Variants in AP1G1 observed in about 807,000 individuals in gnomAD.
AP1G1 encodes the protein adaptor related protein complex 1 subunit gamma 1.
AP1G1 carries 7 observed loss-of-function variants against 108.3 expected under a neutral mutation model. The observed-to-expected ratio is 0.06, with a 90% CI of 0.04 to 0.12. The LOEUF (loss-of-function observed/expected upper bound fraction) is 0.12. Among genes scored for constraint, AP1G1 ranks in the 10% least tolerant of loss-of-function variants. The pLI, the probability that AP1G1 is intolerant of heterozygous loss-of-function variation, is 1.00. For missense variants in AP1G1, 756 were observed against 1,010.7 expected, an observed-to-expected ratio of 0.75 and a Z score of 3.42; for synonymous variants, 379 against 353.5, an observed-to-expected ratio of 1.07 and a Z score of -0.81.
intron 11 of AP1G1, among the ~76,000 whole-genome samples, chr16:71,757,526 A>T (rs7201228): frequency 0.5 from 76,669 of 151,894 alleles, 19,702 homozygotes; most frequent in Middle Eastern, 0.65. Context: ...CAATCCTTAG[A>T]TATAATAACT....
At chr16:71,797,309 T>G (rs1335100020) in intron 1 of AP1G1, among the ~76,000 whole-genome samples, 4 of 152,152 alleles carry the variant, frequency 2.6e-5, no homozygotes. Context: ...TTTTAACTTC[T>G]ATATATAGTC....
intron 10 of AP1G1, among the ~76,000 whole-genome samples, 186 bp from the exon 11 acceptor site, chr16:71,759,107 T>C (rs558201588): frequency 6.6e-6 from 1 of 152,366 alleles, no homozygotes; most frequent in South Asian, 2.1e-4. Flanking sequence ...TCTAAAATAG[T>C]GGCAACCAGG....
Position 71,739,077 on chromosome 16 carries a change from A to C in AP1G1, c.2133T>G (p.Ser711Arg), listed in dbSNP as rs371210759. ...AAGIPSITAY[S>R]KNGLKIEFTF... ...TGAATTCTATCTTCAAGCCATTCTTACTGTATGCTGTGATGGAGGGGATGC... is the reference window on the plus strand; with the variant it reads ...TGAATTCTATCTTCAAGCCATTCTTCCTGTATGCTGTGATGGAGGGGATGC... The change falls in exon 21 of 23, where the codon AGT becomes AGG. Residue 711 changes from serine to arginine, a missense_variant. Coordinates refer to ENST00000299980, the MANE Select transcript of AP1G1 (RefSeq NM_001128.6). The C allele has an allele frequency of 3.7e-6, 6 of 1,614,096 alleles. No homozygotes were observed. The African/African-American group carries it at 8.0e-5, about 22-fold the overall frequency.
At chr16:71,758,451 C>T (rs777174365) in intron 11 of AP1G1, 16 of 527,020 alleles carry the variant, frequency 3.0e-5, no homozygotes, top group South Asian at 7.0e-5. Context: ...GACACTTAGC[C>T]GATGGATCAC....
rs780246974 is a variant in AP1G1 at position 71,732,764 on chromosome 16, A to G, written c.*294T>C. ...CAGCTGCTTATTTCCTCAGGGGCCCAGGGAATGTTGATTCTGGCTGTAAAT... is the reference window on the plus strand; with the variant it reads ...CAGCTGCTTATTTCCTCAGGGGCCCGGGGAATGTTGATTCTGGCTGTAAAT... On this transcript the variant is annotated 3_prime_UTR_variant, in exon 23 of 23. Coordinates refer to ENST00000299980, the MANE Select transcript of AP1G1 (RefSeq NM_001128.6). The G allele has an allele frequency of 1.7e-5, 5 of 288,866 alleles. No homozygotes were observed. Among genetic ancestry groups the G allele is most frequent in the Non-Finnish European group, 2.6e-5 (4 of 154,084 alleles). 17.9% of individuals were successfully genotyped at this position (288,866 alleles called of 1,614,324 possible). A position where few individuals can be genotyped will look rare whatever the true frequency, so the allele number is the denominator to read the frequency against.
chr16:71,756,559 C>G (rs1420423322), intron 11 of AP1G1, among the ~76,000 whole-genome samples: 1 of 152,150 alleles, frequency 6.6e-6, no homozygotes, highest in Non-Finnish European at 1.5e-5. Flanking sequence ...CATGTTAAGT[C>G]ACCATATTCT....
intron 1 of AP1G1, among the ~76,000 whole-genome samples, chr16:71,790,924 A>C (rs763690753): frequency 6.6e-6 from 1 of 152,160 alleles, no homozygotes; most frequent in African/African-American, 2.4e-5. Flanking sequence ...CATCATTATG[A>C]AAATAGGACA....
Position 71,769,649 on chromosome 16 carries a change from G to C in AP1G1, c.616C>G (p.Pro206Ala), listed in dbSNP as rs575140567. The change falls in exon 6 of 23, where the codon CCA becomes GCA. Residue 206 changes from proline (P) to alanine (A), a missense_variant. Physicochemically the swap from Pro to Ala is conservative, Grantham distance 27. This residue lies in a region of AP1G1 where 304 missense variants were observed against 483.6 expected (regional missense o/e 0.63). Coordinates refer to ENST00000299980, the MANE Select transcript of AP1G1 (RefSeq NM_001128.6). Reference protein sequence around the residue: ...VLLTEMCERSPDMLAHFRKLV... With the variant: ...VLLTEMCERSADMLAHFRKLV... ...TTTCTGAAATGCGCAAGCATGTCTG[G>C]GCTTCGCTCACACATTTCTGTGAGG... 4.3e-6 allele frequency: 7 copies of C among 1,613,678 alleles called. No individual in the cohort carries two copies. The East Asian group carries it at 8.9e-5, about 21-fold the overall frequency.
At chr16:71,782,369 T>G (rs2032052767) in intron 2 of AP1G1, among the ~76,000 whole-genome samples, 1 of 151,728 alleles carries the variant, frequency 6.6e-6, no homozygotes, top group South Asian at 2.1e-4. Context: ...TCACTATGTT[T>G]GTCAGGCTGG....
intron 9 of AP1G1, among the ~76,000 whole-genome samples, chr16:71,762,768 G>A (rs925507056): frequency 1.2e-4 from 18 of 152,184 alleles, no homozygotes; most frequent in African/African-American, 4.3e-4. Context: ...GCAAGCATAA[G>A]TAAAGTGTTT....
intron 6 of AP1G1, among the ~76,000 whole-genome samples, chr16:71,768,443 G>C (rs1191342482): frequency 8.0e-6 from 1 of 124,922 alleles, no homozygotes; most frequent in Non-Finnish European, 1.6e-5. Context: ...GGAGGTTGCA[G>C]TGAGCCAAGA....
chr16:71,743,860 T>G (rs973775962), intron 19 of AP1G1, among the ~76,000 whole-genome samples: 1 of 145,692 alleles, frequency 6.9e-6, no homozygotes, highest in African/African-American at 2.6e-5. Context: ...GCAGGAGACC[T>G]GCTTGAACCC....
chr16:71,737,294 C>A (rs1383261194), intron 21 of AP1G1, among the ~76,000 whole-genome samples: 3 of 151,336 alleles, frequency 2.0e-5, no homozygotes, highest in Non-Finnish European at 3.0e-5. Context: ...TTTTTTTCTT[C>A]TTTTTTTTGG....
At chr16:71,773,391 A>G in intron 3 of AP1G1, 29 bp from the exon 4 acceptor site, 3 of 1,479,352 alleles carry the variant, frequency 2.0e-6, no homozygotes, top group Non-Finnish European at 2.7e-6. Flanking sequence ...AGGTAGGAAC[A>G]AGCCTGGTGC....
intron 1 of AP1G1, among the ~76,000 whole-genome samples, chr16:71,798,044 T>C (rs893335792): frequency 2.0e-5 from 3 of 152,122 alleles, no homozygotes; most frequent in Non-Finnish European, 4.4e-5. Flanking sequence ...GTAAGAAAGG[T>C]ATAGGAACTA....
chr16:71,769,152 G>A lies in AP1G1; in HGVS notation c.642+471C>T, dbSNP rs769252090. Among the ~76,000 whole-genome samples the A allele has an allele frequency of 2.3e-4, 34 of 151,006 alleles. 1 individual carries two copies. The highest frequency in any genetic ancestry group is 6.8e-4 in the African/African-American group (28 of 41,278). On this transcript the variant is annotated intron_variant, in intron 6 of 22. Coordinates refer to ENST00000299980, the MANE Select transcript of AP1G1 (RefSeq NM_001128.6). ...ACAAAAATTAGATGGGCATGGTGGC[G>A]CGCACCTGTAATCCCAGCTACAAGG...
intron 4 of AP1G1, 107 bp from the exon 5 acceptor site, chr16:71,771,359 A>T: frequency 1.6e-6 from 1 of 620,458 alleles, no homozygotes; most frequent in Admixed American, 3.2e-5. Context: ...TAGTTCATCT[A>T]CTAGAAAAAT....
chr16:71,785,539 T>C (rs984398501), intron 2 of AP1G1, among the ~76,000 whole-genome samples: 2 of 137,302 alleles, frequency 1.5e-5, no homozygotes, highest in East Asian at 4.3e-4. Flanking sequence ...TGTGCCATTG[T>C]ACTCCAGCCT....
chr16:71,765,197 G>A (rs7195701), intron 7 of AP1G1, among the ~76,000 whole-genome samples: 12,829 of 152,092 alleles, frequency 0.084, 582 homozygotes, highest in Middle Eastern at 0.11. Context: ...AAAATGAGCC[G>A]GGCATGGTGG....
Sources: gnomAD v4.1 joint callset for allele counts (sites outside exome capture counted in the v4.1 genomes callset) on GRCh38, gnomAD v4.1.1 for gene constraint, gnomAD v4.1.1 regional missense constraint, MANE v1.5 for transcripts, NCBI Gene and HGNC (gene_info 2026-07-23, HGNC 2026-07-21) for gene names.